C1QTNF3: variants seen among roughly 807,000 people sequenced by gnomAD.
The protein encoded by C1QTNF3 is complement C1q tumor necrosis factor-related protein 3.
In C1QTNF3, 26 loss-of-function variants were observed where a neutral mutation model predicts 32.6. The observed-to-expected ratio is 0.80, with a 90% CI of 0.58 to 1.11. The LOEUF is 1.11. Among genes scored for constraint, C1QTNF3 ranks in the 50% least tolerant of loss-of-function variants. The pLI is 0.00. For missense variants in C1QTNF3, 362 were observed against 398.2 expected (o/e 0.91, Z 0.77); for synonymous variants, 155 against 146.0 (o/e 1.06, Z -0.44).
chr5:34,107,159 TAAAG>T, the C1QTNF3 span, among the ~76,000 whole-genome samples: 1 of 102,754 alleles, frequency 9.7e-6, no homozygotes, highest in East Asian at 2.3e-4. Flanking sequence ...AATATACTTG[TAAAG>T]AAAAATACAG....
the C1QTNF3 span, among the ~76,000 whole-genome samples, chr5:34,210,757 G>C: frequency 9.9e-5 from 15 of 152,070 alleles, no homozygotes; most frequent in African/African-American, 3.6e-4. Context: ...TGATTCCTTT[G>C]TGAGTGTGAA....
chr5:34,104,987 GTTT>G, the C1QTNF3 span, among the ~76,000 whole-genome samples: 3 of 133,118 alleles, frequency 2.3e-5, no homozygotes, highest in South Asian at 2.4e-4. Context: ...TTCAGCAAGA[GTTT>G]TTTTTTTTTT....
At chr5:34,212,565 A>G in the C1QTNF3 span, among the ~76,000 whole-genome samples, 1 of 151,960 alleles carries the variant, frequency 6.6e-6, no homozygotes, top group Non-Finnish European at 1.5e-5. Flanking sequence ...CAAGAAAAAA[A>G]CAAACAACCC....
chr5:34,031,587 C>T (rs1754615047), intron 3 of C1QTNF3, among the ~76,000 whole-genome samples: 1 of 152,156 alleles, frequency 6.6e-6, no homozygotes, highest in African/African-American at 2.4e-5. Flanking sequence ...AATCCCAGCA[C>T]TTTGGGAGGC....
the C1QTNF3 span, among the ~76,000 whole-genome samples, chr5:34,080,520 G>A: frequency 1.3e-5 from 2 of 151,668 alleles, no homozygotes; most frequent in Non-Finnish European, 2.9e-5. Flanking sequence ...CTAGATGCAT[G>A]TGCTACAATA....
At chr5:34,066,996 C>G in the C1QTNF3 span, among the ~76,000 whole-genome samples, 1 of 151,988 alleles carries the variant, frequency 6.6e-6, no homozygotes, top group African/African-American at 2.4e-5. Flanking sequence ...CACCAAATAC[C>G]CTAAATCATT....
chr5:34,072,815 CTTG>C, the C1QTNF3 span, among the ~76,000 whole-genome samples: 1 of 151,988 alleles, frequency 6.6e-6, no homozygotes, highest in East Asian at 1.9e-4. Flanking sequence ...CTCAACCTGT[CTTG>C]TTTATTTTTC....
the C1QTNF3 span, among the ~76,000 whole-genome samples, chr5:34,163,272 AC>A: frequency 2.6e-5 from 4 of 151,942 alleles, no homozygotes; most frequent in African/African-American, 9.7e-5. Context: ...ATGTACAACA[AC>A]CCCCCCATGA....
the C1QTNF3 span, among the ~76,000 whole-genome samples, chr5:34,048,529 C>A: frequency 1.3e-5 from 2 of 152,178 alleles, no homozygotes; most frequent in African/African-American, 2.4e-5. Context: ...GAAGAAGGGA[C>A]CCTGCAGGTT....
the C1QTNF3 span, among the ~76,000 whole-genome samples, chr5:34,099,206 T>C: frequency 2.9e-3 from 436 of 152,286 alleles, 3 homozygotes; most frequent in African/African-American, 0.01. Flanking sequence ...TAAATTAGAC[T>C]GTTATTAACA....
At chr5:34,221,219 A>G in the C1QTNF3 span, among the ~76,000 whole-genome samples, 27 of 152,138 alleles carry the variant, frequency 1.8e-4, no homozygotes, top group Admixed American at 1.6e-3. Context: ...AAGTATTTCT[A>G]TTTATGTCAT....
the C1QTNF3 span, among the ~76,000 whole-genome samples, chr5:34,056,454 G>GTGTGTGTATATATATATATATATATA: frequency 2.0e-5 from 1 of 48,972 alleles, no homozygotes; most frequent in South Asian, 8.9e-4. Context: ...GTGTGTGTGT[G>GTGTGTGTATATATATATATATATATA]TATATATATA....
the C1QTNF3 span, among the ~76,000 whole-genome samples, chr5:34,243,166 A>G: frequency 6.6e-6 from 1 of 152,354 alleles, no homozygotes; most frequent in African/African-American, 2.4e-5. Context: ...GGACACGAAC[A>G]GATATTTTCT....
At chr5:34,165,584 C>T in the C1QTNF3 span, 1 of 151,832 alleles carries the variant, frequency 6.6e-6, no homozygotes, top group South Asian at 2.1e-4. Flanking sequence ...AATGAGATGC[C>T]ATCACTTGTA....
At chr5:34,048,474 AG>A in the C1QTNF3 span, among the ~76,000 whole-genome samples, 1 of 152,148 alleles carries the variant, frequency 6.6e-6, no homozygotes, top group Non-Finnish European at 1.5e-5. Context: ...TGTAAGGTTG[AG>A]GGAACCAAGG....
the C1QTNF3 span, among the ~76,000 whole-genome samples, chr5:34,108,647 A>G: frequency 1.3e-5 from 2 of 151,762 alleles, no homozygotes; most frequent in Non-Finnish European, 2.9e-5. Flanking sequence ...GTAGTAAATA[A>G]AGGTATTCAT....
chr5:34,228,426 G>A, the C1QTNF3 span, among the ~76,000 whole-genome samples: 4 of 147,438 alleles, frequency 2.7e-5, no homozygotes, highest in African/African-American at 5.0e-5. Flanking sequence ...GACACGGCAG[G>A]GAAAGATCAT....
At chr5:34,175,062 A>T in the C1QTNF3 span, among the ~76,000 whole-genome samples, 1 of 126,078 alleles carries the variant, frequency 7.9e-6, no homozygotes. Flanking sequence ...TTTTTTTTTT[A>T]AAGACAGGTC....
In C1QTNF3 at chr5:34,020,426, T is replaced by C; in HGVS notation, c.*157A>G. ...TTGATTCTTCTGAGCCCCTGAATTG[T>C]CCAACATTATTGGTGTACCTGTAGC... On this transcript the variant is annotated 3_prime_UTR_variant, in exon 6 of 6. Coordinates refer to ENST00000382065, the MANE Select transcript of C1QTNF3 (RefSeq NM_181435.6). 1 of 857,720 alleles carries C rather than the reference T, an allele frequency of 1.2e-6. No individual in the cohort carries two copies. The highest frequency in any genetic ancestry group is 1.8e-6 in the Non-Finnish European group (1 of 548,626). 53.1% of individuals were successfully genotyped at this position (857,720 alleles called of 1,614,324 possible). A position where few individuals can be genotyped will look rare whatever the true frequency, so the allele number is the denominator to read the frequency against.
Sources: allele counts gnomAD v4.1 joint callset (sites outside exome capture counted in the v4.1 genomes callset), GRCh38; gene constraint gnomAD v4.1.1; transcripts MANE v1.5; gene names NCBI Gene and HGNC (gene_info 2026-07-23, HGNC 2026-07-21).